Variants in GNAO1 observed in about 807,000 individuals in gnomAD.
GNAO1 encodes guanine nucleotide-binding protein G(o) subunit alpha.
For synonymous variants in GNAO1, 164 were observed against 180.7 expected (o/e 0.91, Z 0.74); for missense variants, 166 against 478.7 (o/e 0.35, Z 6.10).
At chr16:56,347,434 TCC>T in intron 6 of GNAO1, 1 of 985,500 alleles carries the variant, frequency 1.0e-6, no homozygotes, top group Non-Finnish European at 1.2e-6. Context: ...GTGGTAGGGC[TCC>T]CCATCTCCCA....
intron 2 of GNAO1, among the ~76,000 whole-genome samples, chr16:56,246,058 G>A (rs1473927956): frequency 6.6e-6 from 1 of 152,154 alleles, no homozygotes; most frequent in East Asian, 1.9e-4. Context: ...AGAGACAGAA[G>A]TCAGGCCTCC....
At chr16:56,344,800 A>G in intron 6 of GNAO1, 1 of 985,370 alleles carries the variant, frequency 1.0e-6, no homozygotes, top group Non-Finnish European at 1.2e-6. Flanking sequence ...AGGTGTGAAT[A>G]GATATGTTTT....
In GNAO1 at chr16:56,295,188, T is replaced by C. The variant is rs181511989; in HGVS notation, c.303+19116T>C. Among the ~76,000 whole-genome samples, 15 of 152,334 alleles carry C rather than the reference T, an allele frequency of 9.8e-5. No individual in the cohort carries two copies. In the East Asian group the frequency reaches 2.7e-3, roughly 27 times the overall value. ...TTGGGAGCCCTTTGCTAGTTATTTC[T>C]ATTTGGCTGTGAGAGGTTTTCGTCT... is the stretch of plus-strand genomic sequence containing the variant. On this transcript the variant is annotated intron_variant, in intron 3 of 8. Coordinates refer to ENST00000262493, the MANE Select transcript of GNAO1 (RefSeq NM_020988.3).
chr16:56,227,487 A>G (rs2036542241), intron 2 of GNAO1, among the ~76,000 whole-genome samples: 1 of 152,016 alleles, frequency 6.6e-6, no homozygotes, highest in Admixed American at 6.5e-5. Flanking sequence ...CTTCCTGACC[A>G]CTGCCAGCTA....
At chr16:56,255,056 C>G (rs2036834186) in intron 2 of GNAO1, among the ~76,000 whole-genome samples, 1 of 152,176 alleles carries the variant, frequency 6.6e-6, no homozygotes, top group Non-Finnish European at 1.5e-5. Context: ...TCCTCCCATC[C>G]TCTTCAACTC....
At chr16:56,269,085 G>C (rs1240599262) in intron 2 of GNAO1, among the ~76,000 whole-genome samples, 1 of 152,214 alleles carries the variant, frequency 6.6e-6, no homozygotes, top group Non-Finnish European at 1.5e-5. Flanking sequence ...GGCAGCCACA[G>C]CACAGCTCTC....
intron 2 of GNAO1, among the ~76,000 whole-genome samples, chr16:56,255,047 C>G (rs7186885): frequency 0.13 from 19,618 of 152,112 alleles, 1,598 homozygotes; most frequent in African/African-American, 0.22. Flanking sequence ...GAACACTTTT[C>G]CTCCCATCCT....
Position 56,227,687 on chromosome 16 carries a change from C to CAAAA in GNAO1, c.161+35093_161+35096dup, listed in dbSNP as rs386384777. Among the ~76,000 whole-genome samples the CAAAA allele has an allele frequency of 2.5e-3, 156 of 61,828 alleles. 5 individuals are homozygous for CAAAA. The highest frequency in any genetic ancestry group is 3.3e-3 in the Non-Finnish European group (113 of 33,886). The allele number at this position is 61,828 out of a possible 152,430, so 40.6% of individuals were successfully genotyped here. On this transcript the variant is annotated intron_variant, in intron 2 of 8. Coordinates refer to ENST00000262493, the MANE Select transcript of GNAO1 (RefSeq NM_020988.3). The stretch of plus-strand genomic sequence containing the variant: ...TGAGTGACAGAGGAAGACCCTGTCT[C>CAAAA]AAAAAAAAAAAAAAAAAAAAAAAAA...
chr16:56,344,287 C>T, intron 6 of GNAO1: 1 of 1,208,654 alleles, frequency 8.3e-7, no homozygotes, highest in Non-Finnish European at 1.0e-6. Context: ...TCACTGGAAG[C>T]CTCGGAGTGT....
chr16:56,329,331 G>A (rs2037666240), intron 4 of GNAO1: 1 of 152,252 alleles, frequency 6.6e-6, no homozygotes, highest in Non-Finnish European at 1.5e-5. Flanking sequence ...GGGGATGACA[G>A]GAGGGCAGGA....
At chr16:56,252,577 C>T (rs2036809305) in intron 2 of GNAO1, among the ~76,000 whole-genome samples, 1 of 152,220 alleles carries the variant, frequency 6.6e-6, no homozygotes, top group Non-Finnish European at 1.5e-5. Context: ...CTAATAGTAC[C>T]TTTCTTGGAG....
chr16:56,311,612 C>T lies in GNAO1; in HGVS notation c.304-17019C>T, dbSNP rs545336995. The stretch of plus-strand genomic sequence containing the variant: ...TGCGCTGAACTGAGAACCCGAGGAG[C>T]GCGTCCCCTCCCTCCTCCCTCCCTG... On this transcript the variant is annotated intron_variant, in intron 3 of 8. Coordinates refer to ENST00000262493, the MANE Select transcript of GNAO1 (RefSeq NM_020988.3). This position sits in a 1 kb window ranked among gnomAD's most constrained non-coding sequence, Gnocchi z 5.2. Among the ~76,000 whole-genome samples, 98 of 152,224 alleles carry T rather than the reference C, an allele frequency of 6.4e-4. No individual in the cohort carries two copies. Among genetic ancestry groups the T allele is most frequent in the Middle Eastern group, 3.4e-3 (1 of 294 alleles).
At chr16:56,274,981 T>C (rs1283234341) in intron 2 of GNAO1, among the ~76,000 whole-genome samples, 1 of 152,224 alleles carries the variant, frequency 6.6e-6, no homozygotes, top group Non-Finnish European at 1.5e-5. Flanking sequence ...TTCTCCTGCA[T>C]GAAAGTAATG....
At chr16:56,260,203 C>T (rs995848297) in intron 2 of GNAO1, among the ~76,000 whole-genome samples, 1 of 152,188 alleles carries the variant, frequency 6.6e-6, no homozygotes, top group African/African-American at 2.4e-5. Context: ...TGCCGCTACT[C>T]TGTTCTCCCA....
chr16:56,286,113 G>A (rs902530404), intron 3 of GNAO1, among the ~76,000 whole-genome samples: 9 of 152,304 alleles, frequency 5.9e-5, no homozygotes, highest in Non-Finnish European at 1.0e-4. Context: ...TGCTGGGAGT[G>A]TAGTGGGGGT....
chr16:56,236,052 C>T (rs2036634608), intron 2 of GNAO1, among the ~76,000 whole-genome samples: 1 of 152,192 alleles, frequency 6.6e-6, no homozygotes, highest in Non-Finnish European at 1.5e-5. Context: ...CAGGTCTCCA[C>T]TCAAGTTCAG....
rs546022226 is a variant in GNAO1 at position 56,241,832 on chromosome 16, C to T, written c.162-34099C>T. Among the ~76,000 whole-genome samples the T allele has an allele frequency of 2.0e-5, 3 of 152,322 alleles. No individual in the cohort carries two copies. In the East Asian group the frequency reaches 5.8e-4, roughly 29 times the overall value. Reference sequence around the variant, plus strand: ...ATTGAGTGTATGTTTATACCACTCACAAGGAGGTCCCAGTTACGAGCCTGT... The same window carrying T: ...ATTGAGTGTATGTTTATACCACTCATAAGGAGGTCCCAGTTACGAGCCTGT... On this transcript the variant is annotated intron_variant, in intron 2 of 8. Coordinates refer to ENST00000262493, the MANE Select transcript of GNAO1 (RefSeq NM_020988.3).
chr16:56,196,116 T>A (rs1490968327), intron 2 of GNAO1, among the ~76,000 whole-genome samples: 1 of 152,122 alleles, frequency 6.6e-6, no homozygotes, highest in African/African-American at 2.4e-5. Flanking sequence ...AAATTTTTAT[T>A]TGAACATAGT....
chr16:56,281,929 G>A (rs1436703425), intron 3 of GNAO1, among the ~76,000 whole-genome samples: 2 of 152,230 alleles, frequency 1.3e-5, no homozygotes, highest in Non-Finnish European at 2.9e-5. Flanking sequence ...AAATATACGT[G>A]TGTATGTATG....
Sources: allele counts gnomAD v4.1 joint callset (sites outside exome capture counted in the v4.1 genomes callset), GRCh38; gene constraint gnomAD v4.1.1; non-coding constraint Gnocchi (gnomAD v3.1); transcripts MANE v1.5; gene names NCBI Gene and HGNC (gene_info 2026-07-23, HGNC 2026-07-21).